APLF: variants seen among roughly 807,000 people sequenced by gnomAD.
APLF encodes the protein aprataxin and PNK-like factor.
APLF carries 61 observed loss-of-function variants against 55.6 expected under a neutral mutation model. The ratio of observed to expected loss-of-function variants is 1.10; its 90% CI spans 0.89 to 1.36. The LOEUF (loss-of-function observed/expected upper bound fraction) is 1.36. Among genes scored for constraint, APLF ranks in the 40% most tolerant of loss-of-function variants. The pLI, the probability that APLF is intolerant of heterozygous loss-of-function variation, is 0.00. For synonymous variants in APLF, 207 were observed against 214.8 expected (o/e 0.96, Z 0.32); for missense variants, 611 against 602.5 (o/e 1.01, Z -0.15).
intron 2 of APLF, among the ~76,000 whole-genome samples, chr2:68,497,960 A>G (rs1026769990): frequency 2.0e-5 from 3 of 152,186 alleles, no homozygotes; most frequent in Non-Finnish European, 2.9e-5. Context: ...TTATATTAAT[A>G]TAGTTTAATA....
At chr2:68,494,893 C>T (rs1676493427) in intron 2 of APLF, among the ~76,000 whole-genome samples, 16 of 152,020 alleles carry the variant, frequency 1.1e-4, no homozygotes, top group Admixed American at 1.0e-3. Flanking sequence ...TTTCTTTTTC[C>T]AGTCTATCAT....
intron 1 of APLF, among the ~76,000 whole-genome samples, chr2:68,469,887 C>G (rs1413402943): frequency 6.6e-6 from 1 of 152,152 alleles, no homozygotes; most frequent in Non-Finnish European, 1.5e-5. Flanking sequence ...CTGAGACAAG[C>G]TTCACAAACC....
chr2:68,579,444 A>G lies in APLF; in HGVS notation c.*1422A>G. 1.1e-6 allele frequency: 1 copy of G among 929,208 alleles called. No homozygotes were observed. The highest frequency in any genetic ancestry group is 1.3e-6 in the Non-Finnish European group (1 of 778,696). The allele number at this position is 929,208 out of a possible 1,614,324, so 57.6% of individuals were successfully genotyped here. ...AGTGTTACATAATCTACTCCTAGGT[A>G]TATACCCAGAGGAATTGAAAACATT... On this transcript the variant is annotated 3_prime_UTR_variant, in exon 10 of 10. Coordinates refer to ENST00000303795, the MANE Select transcript of APLF (RefSeq NM_173545.3).
rs576757798 is a variant in APLF, at chr2:68,502,185, C to T, written c.169-546C>T. On this transcript the variant is annotated intron_variant, in intron 2 of 9. Transcript: ENST00000303795. ...TATGACCTACATGTTAAAGGTCCTA[C>T]TTGTCAACACTGTTGCCTTAGGGTT... 1.7e-4 allele frequency among the ~76,000 whole-genome samples: 26 copies of T among 152,284 alleles called. No homozygotes were observed. The South Asian group carries it at 5.4e-3, about 32-fold the overall frequency.
intron 6 of APLF, among the ~76,000 whole-genome samples, chr2:68,532,106 C>T (rs539895253): frequency 2.5e-4 from 38 of 152,278 alleles, no homozygotes; most frequent in African/African-American, 8.9e-4. Flanking sequence ...CCAAACCCCA[C>T]CCTCCATCCC....
intron 6 of APLF, among the ~76,000 whole-genome samples, chr2:68,531,882 T>A (rs1407601290): frequency 6.6e-6 from 1 of 152,202 alleles, no homozygotes; most frequent in African/African-American, 2.4e-5. Flanking sequence ...ATTTGTGAGG[T>A]TTTGATGACA....
intron 1 of APLF, among the ~76,000 whole-genome samples, chr2:68,478,904 C>A (rs767542529): frequency 3.9e-5 from 6 of 152,214 alleles, no homozygotes; most frequent in Non-Finnish European, 8.8e-5. Context: ...TAACCACCAG[C>A]TGCCATTCTT....
At chr2:68,556,012 T>G (rs1176931771) in intron 8 of APLF, among the ~76,000 whole-genome samples, 1 of 152,182 alleles carries the variant, frequency 6.6e-6, no homozygotes. Context: ...GGAATACTAC[T>G]CAACTGTAAG....
chr2:68,520,087 CAT>C (rs1489402901), intron 5 of APLF, among the ~76,000 whole-genome samples: 2 of 151,814 alleles, frequency 1.3e-5, no homozygotes, highest in African/African-American at 4.8e-5. Context: ...ATCATTTTTT[CAT>C]ATGTTTGTTG....
intron 3 of APLF, among the ~76,000 whole-genome samples, chr2:68,509,171 A>C (rs547288823): frequency 3.0e-4 from 46 of 152,152 alleles, no homozygotes; most frequent in Middle Eastern, 3.4e-3. Flanking sequence ...GCAAGGACTT[A>C]ATGTCTAAAA....
At position 68,520,128 on chromosome 2, in the gene APLF, G is replaced by C. The variant is rs571185494; in HGVS notation, c.623-5933G>C. 2.6e-5 allele frequency among the ~76,000 whole-genome samples: 4 copies of C among 151,942 alleles called. No homozygotes were observed. The South Asian group carries it at 8.3e-4, about 32-fold the overall frequency. ...ATTTGTATATCTTCTTGTGAGAATT[G>C]TTTATTCATGTCCTTAGCCCACTTT... On this transcript the variant is annotated intron_variant, in intron 5 of 9. Coordinates refer to ENST00000303795, the MANE Select transcript of APLF (RefSeq NM_173545.3).
intron 6 of APLF, chr2:68,528,347 C>T (rs1670141799): frequency 6.6e-7 from 1 of 1,520,902 alleles, no homozygotes; most frequent in Non-Finnish European, 8.8e-7. Flanking sequence ...CTGGAGGCGT[C>T]CTTCTCTTTG....
chr2:68,494,651 C>G (rs1168875847), intron 2 of APLF, among the ~76,000 whole-genome samples: 1 of 152,126 alleles, frequency 6.6e-6, no homozygotes, highest in Non-Finnish European at 1.5e-5. Context: ...TCTCCCTCCT[C>G]CCACCCTCCA....
At chr2:68,541,807 A>G (rs922495110) in intron 7 of APLF, among the ~76,000 whole-genome samples, 5 of 152,312 alleles carry the variant, frequency 3.3e-5, no homozygotes, top group Non-Finnish European at 5.9e-5. Flanking sequence ...AAATTATTCT[A>G]AAATCATGTG....
chr2:68,533,374 CAGAA>C (rs1454161605), intron 6 of APLF, among the ~76,000 whole-genome samples: 1 of 152,208 alleles, frequency 6.6e-6, no homozygotes, highest in African/African-American at 2.4e-5. Flanking sequence ...TTGTAAATGA[CAGAA>C]GGAAGCCTAA....
rs1235533517 is a variant in APLF, at chr2:68,518,203, T to TAA, written c.622+4524_622+4525dup. Among the ~76,000 whole-genome samples the TAA allele has an allele frequency of 2.8e-3, 345 of 121,738 alleles. 1 individual carries two copies. The highest frequency in any genetic ancestry group is 4.0e-3 in the Non-Finnish European group (252 of 63,022). 79.9% of individuals were successfully genotyped at this position (121,738 alleles called of 152,430 possible). ...ATTATCAATATATATTACTAATATA[T>TAA]AATAATATATCGTTAATATATAATA... On this transcript the variant is annotated intron_variant, in intron 5 of 9. Transcript: ENST00000303795.
chr2:68,513,062 T>G lies in APLF; in HGVS notation c.342-18T>G. On this transcript the variant is annotated intron_variant, in intron 3 of 9. Transcript: ENST00000303795. ...GTTAAATTTAAAATTAAAGACCAGT[T>G]TCTATTTTATCTTATAGAAACAGTC... is the stretch of plus-strand genomic sequence containing the variant. 6.3e-7 allele frequency: 1 copy of G among 1,584,476 alleles called. No homozygotes were observed. The highest frequency in any genetic ancestry group is 8.6e-7 in the Non-Finnish European group (1 of 1,163,632).
At chr2:68,565,496 T>TAGACAGAC (rs1166050330) in intron 8 of APLF, among the ~76,000 whole-genome samples, 2 of 142,606 alleles carry the variant, frequency 1.4e-5, no homozygotes, top group African/African-American at 5.7e-5. Flanking sequence ...GATAGTTAGA[T>TAGACAGAC]AGACAGATAG....
At position 68,516,542 on chromosome 2, in the gene APLF, C is replaced by T. The variant is rs915379082; in HGVS notation, c.622+2862C>T. On this transcript the variant is annotated intron_variant, in intron 5 of 9. Coordinates refer to ENST00000303795, the MANE Select transcript of APLF (RefSeq NM_173545.3). Reference sequence around the variant, plus strand: ...CTGAGATTTTGGTGCACCCATTACCCGAGCAGTGTACACTGTACCCAGTTT... The same window carrying T: ...CTGAGATTTTGGTGCACCCATTACCTGAGCAGTGTACACTGTACCCAGTTT... Among the ~76,000 whole-genome samples, 9 of 151,156 alleles carry T rather than the reference C, an allele frequency of 6.0e-5. No homozygotes were observed. In the East Asian group the frequency reaches 9.8e-4, roughly 16 times the overall value.
Sources: allele counts gnomAD v4.1 joint callset (sites outside exome capture counted in the v4.1 genomes callset), GRCh38; gene constraint gnomAD v4.1.1; transcripts MANE v1.5; gene names NCBI Gene and HGNC (gene_info 2026-07-23, HGNC 2026-07-21).